PUS10: variants seen among roughly 807,000 people sequenced by gnomAD.
PUS10 encodes the protein pseudouridine synthase 10.
Under a neutral mutation model 75.0 loss-of-function variants are expected in PUS10, and 59 were observed. That is an observed-to-expected ratio of 0.79 (90% confidence interval 0.64 to 0.98). PUS10 has a LOEUF of 0.98. PUS10 is among the 50% of genes least tolerant of loss of function. The probability of loss-of-function intolerance (pLI) is 0.00; values close to 1 mark genes in which losing one functional copy is unlikely to be tolerated. For missense variants in PUS10, 650 were observed against 614.4 expected (o/e 1.06, Z -0.61); for synonymous variants, 219 against 211.6 (o/e 1.03, Z -0.30).
At chr2:60,978,296 C>G (rs746945773) in intron 4 of PUS10, among the ~76,000 whole-genome samples, 3 of 151,882 alleles carry the variant, frequency 2.0e-5, no homozygotes, top group Admixed American at 2.0e-4. Flanking sequence ...GTGGTGCGCA[C>G]CTGTAATCCC....
In PUS10 at chr2:60,962,859, G is replaced by T; in HGVS notation, c.755C>A (p.Ala252Asp). 1 of 1,570,248 alleles carries T rather than the reference G, an allele frequency of 6.4e-7. No individual in the cohort carries two copies. Residue 252 changes from alanine to aspartate, a missense_variant, in exon 9 of 18, where the codon GCC (alanine) becomes GAC (aspartate). Coordinates refer to ENST00000316752, the MANE Select transcript of PUS10 (RefSeq NM_144709.4). ...SVFTRMAVMK[A>D]LNKIKEEDFL... Reference sequence around the variant, plus strand: ...ATCCTCTTCCTTTATCTTATTCAAGGCTTTCATAACTGCCATTCTAGTGAA... The same window carrying T: ...ATCCTCTTCCTTTATCTTATTCAAGTCTTTCATAACTGCCATTCTAGTGAA...
chr2:60,960,319 A>G, intron 11 of PUS10, 73 bp downstream of exon 11: 2 of 1,182,536 alleles, frequency 1.7e-6, no homozygotes, highest in East Asian at 2.8e-5. Flanking sequence ...AATCTAGCCT[A>G]GTTGACAAAG....
chr2:60,988,730 G>A (rs1677881831), intron 4 of PUS10, among the ~76,000 whole-genome samples: 1 of 152,044 alleles, frequency 6.6e-6, no homozygotes, highest in Admixed American at 6.6e-5. Context: ...CTGCCTCCTG[G>A]GTTCAGGTGA....
intron 4 of PUS10, among the ~76,000 whole-genome samples, chr2:60,985,491 T>C (rs1485417935): frequency 6.6e-6 from 1 of 152,160 alleles, no homozygotes; most frequent in Admixed American, 6.5e-5. Flanking sequence ...GTGCTAAAGA[T>C]GAAATATTTT....
At position 60,978,208 on chromosome 2, in the gene PUS10, GGCCAGGA is replaced by G. The variant is rs1340735032; in HGVS notation, c.469-6658_469-6652del. ...AGGCTGAGGAGGGTGGATCACCTGAGGCCAGGAGTTCAAGACCACCCTGGCCAACATG... is the reference window on the plus strand; with the variant it reads ...AGGCTGAGGAGGGTGGATCACCTGAGGTTCAAGACCACCCTGGCCAACATG... On this transcript the variant is annotated intron_variant, in intron 4 of 17. Transcript: ENST00000316752. Among the ~76,000 whole-genome samples the G allele has an allele frequency of 3.9e-5, 6 of 152,074 alleles. No individual in the cohort carries two copies. The East Asian group carries it at 7.7e-4, about 20-fold the overall frequency.
chr2:61,004,016 T>C (rs1679034150), intron 4 of PUS10, among the ~76,000 whole-genome samples: 1 of 152,240 alleles, frequency 6.6e-6, no homozygotes, highest in South Asian at 2.1e-4. Flanking sequence ...TTATATATTC[T>C]GGTGTGAATT....
intron 12 of PUS10, 73 bp from the exon 13 acceptor site, chr2:60,954,231 TAGG>T: frequency 6.9e-7 from 1 of 1,455,816 alleles, no homozygotes; most frequent in South Asian, 1.2e-5. Context: ...GCAAGAGGGT[TAGG>T]AGGTGTGAAA....
intron 4 of PUS10, among the ~76,000 whole-genome samples, chr2:60,991,149 G>A (rs1160812995): frequency 6.6e-6 from 1 of 152,108 alleles, no homozygotes; most frequent in Admixed American, 6.5e-5. Context: ...AAAATGCTGG[G>A]ATTACAGGCA....
At chr2:60,998,064 T>C (rs1038104882) in intron 4 of PUS10, among the ~76,000 whole-genome samples, 3 of 152,232 alleles carry the variant, frequency 2.0e-5, no homozygotes, top group African/African-American at 4.8e-5. Flanking sequence ...ACACACAATA[T>C]ATATATAGCT....
intron 4 of PUS10, among the ~76,000 whole-genome samples, chr2:60,984,429 AG>A (rs1677595563): frequency 6.6e-6 from 1 of 152,250 alleles, no homozygotes; most frequent in African/African-American, 2.4e-5. Context: ...GTGTAACTTC[AG>A]GTTTGAAAAA....
intron 12 of PUS10, among the ~76,000 whole-genome samples, chr2:60,954,662 A>C (rs980569599): frequency 2.0e-5 from 3 of 152,250 alleles, no homozygotes; most frequent in African/African-American, 7.2e-5. Flanking sequence ...ATCACTTTTT[A>C]AATGAAGATG....
At chr2:60,945,426 A>C (rs1419425632) in intron 16 of PUS10, among the ~76,000 whole-genome samples, 1 of 152,214 alleles carries the variant, frequency 6.6e-6, no homozygotes, top group Non-Finnish European at 1.5e-5. Context: ...GCTTTTATTA[A>C]AAAACAACTT....
chr2:61,017,507 C>A (rs1354265103), intron 1 of PUS10: 18 of 458,090 alleles, frequency 3.9e-5, no homozygotes, highest in Non-Finnish European at 5.5e-5. Flanking sequence ...TATCGATGAG[C>A]CTTTACCCTG....
intron 4 of PUS10, among the ~76,000 whole-genome samples, chr2:60,988,439 G>A (rs978968213): frequency 6.6e-6 from 1 of 151,932 alleles, no homozygotes; most frequent in South Asian, 2.1e-4. Context: ...GTGTAAGAAA[G>A]TATTTCTGAT....
intron 4 of PUS10, among the ~76,000 whole-genome samples, chr2:60,976,732 G>T (rs1677052680): frequency 6.6e-6 from 1 of 152,214 alleles, no homozygotes; most frequent in East Asian, 1.9e-4. Context: ...AAATAAGTCA[G>T]CATTGCTGGA....
At chr2:60,963,363 C>A (rs1297592607) in intron 8 of PUS10, among the ~76,000 whole-genome samples, 1 of 152,194 alleles carries the variant, frequency 6.6e-6, no homozygotes, top group African/African-American at 2.4e-5. Flanking sequence ...TAAAGCAGAG[C>A]CAACCTGCCA....
At chr2:60,960,113 T>A (rs1250906774) in intron 11 of PUS10, among the ~76,000 whole-genome samples, 1 of 141,388 alleles carries the variant, frequency 7.1e-6, no homozygotes, top group Non-Finnish European at 1.5e-5. Flanking sequence ...GCCTGGGAGA[T>A]TGAGGCTGCA....
At position 60,942,170 on chromosome 2, in the gene PUS10, G is replaced by T; in HGVS notation, c.*225C>A. On this transcript the variant is annotated 3_prime_UTR_variant, in exon 18 of 18. Transcript: ENST00000316752. ...TAGTTTGGTTTGTGGGGGTGAAAGA[G>T]GGAATGAGAAAAATCCTAAGACATC... 1 of 475,328 alleles carries T rather than the reference G, an allele frequency of 2.1e-6. No homozygotes were observed. Among genetic ancestry groups the T allele is most frequent in the Non-Finnish European group, 3.8e-6 (1 of 260,948 alleles). The allele number at this position is 475,328 out of a possible 1,614,324, so 29.4% of individuals were successfully genotyped here.
intron 4 of PUS10, among the ~76,000 whole-genome samples, chr2:60,982,445 T>A (rs957682658): frequency 1.3e-5 from 2 of 151,984 alleles, no homozygotes; most frequent in African/African-American, 2.4e-5. Context: ...GTATTTTTAG[T>A]AGAGGCAGGG....
Sources: gnomAD v4.1 joint callset for allele counts (sites outside exome capture counted in the v4.1 genomes callset) on GRCh38, gnomAD v4.1.1 for gene constraint, MANE v1.5 for transcripts, NCBI Gene and HGNC (gene_info 2026-07-23, HGNC 2026-07-21) for gene names.